The following SPECC1 variants were observed in gnomAD, a reference collection of about 807,000 sequenced individuals.
SPECC1 encodes the protein sperm antigen with calponin homology and coiled-coil domains 1, also known as cytospin-B.
In SPECC1, 62 loss-of-function variants were observed where a neutral mutation model predicts 104.1. The observed-to-expected ratio is 0.60, with a 90% CI of 0.49 to 0.74. The LOEUF (loss-of-function observed/expected upper bound fraction) is 0.74. Ranked by LOEUF, SPECC1 falls within the 30% of genes least tolerant of loss-of-function variation. The pLI is 0.00. For synonymous variants in SPECC1, 513 were observed against 501.6 expected (o/e 1.02, Z -0.30); for missense variants, 1,306 against 1,310.5 (o/e 1.00, Z 0.05).
intron 1 of SPECC1, among the ~76,000 whole-genome samples, chr17:20,030,676 C>T (rs888737357): frequency 6.6e-6 from 1 of 152,128 alleles, no homozygotes; most frequent in African/African-American, 2.4e-5. Context: ...ATAACCTTTA[C>T]TGCTATGCTT....
intron 9 of SPECC1, among the ~76,000 whole-genome samples, chr17:20,248,660 T>C (rs892069461): frequency 1.3e-5 from 2 of 152,250 alleles, no homozygotes; most frequent in Non-Finnish European, 2.9e-5. Flanking sequence ...ATTTATCTCT[T>C]GTGTGTCGGT....
At chr17:20,135,543 C>T (rs1334204880) in intron 3 of SPECC1, among the ~76,000 whole-genome samples, 2 of 152,174 alleles carry the variant, frequency 1.3e-5, no homozygotes, top group African/African-American at 4.8e-5. Context: ...CCTTGACCTC[C>T]TGGTCCCAAG....
At chr17:20,116,213 G>A (rs1459754901) in intron 3 of SPECC1, among the ~76,000 whole-genome samples, 6 of 151,932 alleles carry the variant, frequency 3.9e-5, no homozygotes, top group East Asian at 3.9e-4. Context: ...TCAGCCTCCC[G>A]AGTAGCTTGG....
At chr17:20,247,674 A>G (rs914539132) in intron 9 of SPECC1, among the ~76,000 whole-genome samples, 1 of 152,344 alleles carries the variant, frequency 6.6e-6, no homozygotes, top group East Asian at 1.9e-4. Flanking sequence ...AGATTACATA[A>G]TATGTGGTGA....
At chr17:20,090,659 T>TA (rs1250011265) in intron 1 of SPECC1, among the ~76,000 whole-genome samples, 1 of 152,214 alleles carries the variant, frequency 6.6e-6, no homozygotes, top group East Asian at 1.9e-4. Flanking sequence ...CTCATTCACT[T>TA]TAATCCTTTG....
chr17:20,123,277 G>A (rs2049127699), intron 3 of SPECC1, among the ~76,000 whole-genome samples: 1 of 152,196 alleles, frequency 6.6e-6, no homozygotes, highest in South Asian at 2.1e-4. Context: ...ATTTTAAACT[G>A]ATATCAGTGT....
At chr17:20,301,174 T>C (rs966101903) in intron 13 of SPECC1, among the ~76,000 whole-genome samples, 1 of 152,076 alleles carries the variant, frequency 6.6e-6, no homozygotes, top group African/African-American at 2.4e-5. Context: ...GTTTTCAAAG[T>C]AACGTATCCC....
In SPECC1 at chr17:20,257,573, TCCA is replaced by T. The variant is rs778867640; in HGVS notation, c.2806_2808del (p.Thr936del). 6.2e-7 allele frequency: 1 copy of T among 1,613,086 alleles called. No individual in the cohort carries two copies. Among genetic ancestry groups the T allele is most frequent in the Admixed American group, 1.7e-5 (1 of 59,672 alleles). On this transcript the variant is annotated inframe_deletion, in exon 11 of 15. Coordinates refer to ENST00000395527, the MANE Select transcript of SPECC1 (RefSeq NM_001243439.2). ...TGGGGACACAAGACTGCTGAGTGCT[TCCA>T]CCCGGGCATGGAAACCACAAAGCAA...
At chr17:20,297,400 A>G (rs991122108) in intron 13 of SPECC1, among the ~76,000 whole-genome samples, 1 of 152,210 alleles carries the variant, frequency 6.6e-6, no homozygotes, top group Admixed American at 6.5e-5. Flanking sequence ...ATTGCATCAC[A>G]TTTTCAGAGA....
chr17:20,259,879 G>A (rs1297817783), intron 11 of SPECC1, among the ~76,000 whole-genome samples: 2 of 152,026 alleles, frequency 1.3e-5, no homozygotes, highest in African/African-American at 4.8e-5. Context: ...TTTTGTTTAC[G>A]TATCTTTAAT....
chr17:20,190,597 C>T (rs567677520), intron 3 of SPECC1, among the ~76,000 whole-genome samples: 17 of 152,346 alleles, frequency 1.1e-4, no homozygotes, highest in Admixed American at 2.6e-4. Context: ...TCATTATCAA[C>T]ATCTTCCAAT....
intron 1 of SPECC1, among the ~76,000 whole-genome samples, chr17:20,026,013 TTTAGA>T (rs1233002526): frequency 6.6e-6 from 1 of 152,068 alleles, no homozygotes; most frequent in African/African-American, 2.4e-5. Flanking sequence ...GTATATAGTC[TTTAGA>T]TAAGTGTATA....
At chr17:20,134,330 T>C (rs1025881073) in intron 3 of SPECC1, among the ~76,000 whole-genome samples, 1 of 151,106 alleles carries the variant, frequency 6.6e-6, no homozygotes, top group African/African-American at 2.4e-5. Flanking sequence ...CTCAAATCCT[T>C]CTCCCACCTG....
chr17:20,156,070 G>A, intron 3 of SPECC1: 1 of 1,321,550 alleles, frequency 7.6e-7, no homozygotes, highest in South Asian at 2.0e-5. Context: ...AAGGCGCCCG[G>A]TCCTTTCTTT....
chr17:20,102,079 T>A (rs142647023), intron 2 of SPECC1, among the ~76,000 whole-genome samples: 1 of 152,368 alleles, frequency 6.6e-6, no homozygotes, highest in African/African-American at 2.4e-5. Flanking sequence ...AGTGCACACC[T>A]TCATAGGATC....
At chr17:20,308,246 A>G (rs909246306) in intron 14 of SPECC1, among the ~76,000 whole-genome samples, 3 of 151,954 alleles carry the variant, frequency 2.0e-5, no homozygotes, top group Non-Finnish European at 2.9e-5. Flanking sequence ...AAAATTGGCC[A>G]GGTGTGGTGG....
chr17:20,155,791 C>T, intron 3 of SPECC1: 1 of 446,176 alleles, frequency 2.2e-6, no homozygotes, highest in Non-Finnish European at 3.1e-6. Context: ...TCTCAGCATC[C>T]GCGGGCGGAG....
At chr17:20,208,624 T>G (rs1456902287) in intron 4 of SPECC1, among the ~76,000 whole-genome samples, 2 of 152,238 alleles carry the variant, frequency 1.3e-5, no homozygotes, top group African/African-American at 4.8e-5. Context: ...TGATGTGACC[T>G]TGGGCAGGCC....
chr17:20,313,047 A>G (rs1462653185), intron 14 of SPECC1, among the ~76,000 whole-genome samples: 1 of 152,188 alleles, frequency 6.6e-6, no homozygotes, highest in Admixed American at 6.5e-5. Flanking sequence ...CCCAAAGTTA[A>G]TTATTAAATA....
Sources: allele counts gnomAD v4.1 joint callset (sites outside exome capture counted in the v4.1 genomes callset), GRCh38; gene constraint gnomAD v4.1.1; transcripts MANE v1.5; gene names NCBI Gene and HGNC (gene_info 2026-07-23, HGNC 2026-07-21).